The following BRINP3 variants were observed in gnomAD, a reference collection of about 807,000 sequenced individuals.
BRINP3 encodes BMP/retinoic acid-inducible neural-specific protein 3.
In BRINP3, 19 loss-of-function variants were observed where a neutral mutation model predicts 71.0. The observed-to-expected ratio is 0.27, with a 90% CI of 0.19 to 0.39. The LOEUF is 0.39. Among genes scored for constraint, BRINP3 ranks in the 10% least tolerant of loss-of-function variants. The pLI, the probability that BRINP3 is intolerant of heterozygous loss-of-function variation, is 1.00. For missense variants in BRINP3, 959 were observed against 940.8 expected, an observed-to-expected ratio of 1.02 and a Z score of -0.25; for synonymous variants, 380 against 337.7, an observed-to-expected ratio of 1.13 and a Z score of -1.37.
chr1:190,365,822 A>G (rs1669460683), intron 2 of BRINP3, among the ~76,000 whole-genome samples: 1 of 145,922 alleles, frequency 6.9e-6, no homozygotes, highest in Non-Finnish European at 1.5e-5. Context: ...ATATATATAT[A>G]TATATATATA....
intron 1 of BRINP3, among the ~76,000 whole-genome samples, chr1:190,474,223 A>T (rs554232878): frequency 6.6e-6 from 1 of 152,344 alleles, no homozygotes; most frequent in Non-Finnish European, 1.5e-5. Flanking sequence ...CTAAGCAGTT[A>T]AATTAATGCA....
chr1:190,386,468 C>T (rs943347254), intron 2 of BRINP3, among the ~76,000 whole-genome samples: 6 of 151,518 alleles, frequency 4.0e-5, no homozygotes, highest in Non-Finnish European at 8.8e-5. Flanking sequence ...AATGTCTAAA[C>T]AAATAAGTAT....
At chr1:190,201,625 T>C (rs961873590) in intron 6 of BRINP3, among the ~76,000 whole-genome samples, 2 of 152,220 alleles carry the variant, frequency 1.3e-5, no homozygotes, top group Admixed American at 6.5e-5. Flanking sequence ...TGTGGTTCCA[T>C]GGGCTGGGCC....
chr1:190,356,412 T>G (rs994548164), intron 2 of BRINP3, among the ~76,000 whole-genome samples: 3 of 152,024 alleles, frequency 2.0e-5, no homozygotes, highest in African/African-American at 2.4e-5. Flanking sequence ...CCATTCAGGC[T>G]CTGTGAGAAG....
Position 190,281,466 on chromosome 1 carries a change from A to G in BRINP3, c.427+94T>C, listed in dbSNP as rs183151331. On this transcript the variant is annotated intron_variant, in intron 3 of 7. Coordinates refer to ENST00000367462, the MANE Select transcript of BRINP3 (RefSeq NM_199051.3). ...ATGAATGAGTTCTATAACTATTCAT[A>G]CTGTAGCTATCTTGATTAATTAACA... 6.2e-5 allele frequency: 71 copies of G among 1,152,958 alleles called. No individual in the cohort carries two copies. In the Admixed American group the frequency reaches 1.3e-3, roughly 20 times the overall value. The allele number at this position is 1,152,958 out of a possible 1,614,324, so 71.4% of individuals were successfully genotyped here.
At chr1:190,169,005 G>C (rs531080551) in intron 6 of BRINP3, among the ~76,000 whole-genome samples, 39 of 152,134 alleles carry the variant, frequency 2.6e-4, no homozygotes, top group Non-Finnish European at 4.7e-4. Context: ...CTCAGCATCT[G>C]TGCTACAATT....
chr1:190,132,573 G>A (rs530086162), intron 7 of BRINP3, among the ~76,000 whole-genome samples: 6 of 152,088 alleles, frequency 3.9e-5, no homozygotes, highest in African/African-American at 1.4e-4. Flanking sequence ...AAAATGTTTA[G>A]CACAAGGTTG....
At chr1:190,476,251 T>TAAAAA (rs58413136) in intron 1 of BRINP3, among the ~76,000 whole-genome samples, 1 of 142,236 alleles carries the variant, frequency 7.0e-6, no homozygotes, top group Non-Finnish European at 1.5e-5. Context: ...TCCCAGAAAT[T>TAAAAA]AAAAAAAAAA....
At chr1:190,406,960 G>C (rs969412333) in intron 2 of BRINP3, among the ~76,000 whole-genome samples, 3 of 151,976 alleles carry the variant, frequency 2.0e-5, no homozygotes, top group Admixed American at 6.6e-5. Flanking sequence ...CTGATCTTAC[G>C]ATATTTCTGT....
At chr1:190,224,361 C>A (rs563937277) in intron 6 of BRINP3, among the ~76,000 whole-genome samples, 2 of 151,706 alleles carry the variant, frequency 1.3e-5, no homozygotes, top group South Asian at 4.2e-4. Context: ...TCAACTTTGA[C>A]AAAGACTACA....
intron 2 of BRINP3, among the ~76,000 whole-genome samples, chr1:190,444,438 A>C (rs1675065375): frequency 6.6e-6 from 1 of 151,776 alleles, no homozygotes; most frequent in Admixed American, 6.6e-5. Flanking sequence ...ATCAGTTATT[A>C]GCTTTTACAT....
In BRINP3 at chr1:190,392,870, C is replaced by T. The variant is rs905784606; in HGVS notation, c.236+61785G>A. 2.2e-4 allele frequency among the ~76,000 whole-genome samples: 34 copies of T among 151,496 alleles called. 2 individuals are homozygous for T. The highest frequency in any genetic ancestry group is 5.9e-5 in the Non-Finnish European group (4 of 67,668). ...CTTTTTTACATAGTCTTTTAAAATGCTATTAGTAAAATGAAATACTTGTTT... is the reference window on the plus strand; with the variant it reads ...CTTTTTTACATAGTCTTTTAAAATGTTATTAGTAAAATGAAATACTTGTTT... On this transcript the variant is annotated intron_variant, in intron 2 of 7. Coordinates refer to ENST00000367462, the MANE Select transcript of BRINP3 (RefSeq NM_199051.3).
At chr1:190,161,088 C>G (rs1308328809) in intron 6 of BRINP3, among the ~76,000 whole-genome samples, 198 bp from the exon 7 acceptor site, 1 of 152,050 alleles carries the variant, frequency 6.6e-6, no homozygotes, top group African/African-American at 2.4e-5. Context: ...ATCTTCTTTG[C>G]TGTTCCCTTT....
intron 2 of BRINP3, among the ~76,000 whole-genome samples, chr1:190,368,595 G>A (rs1669658669): frequency 6.6e-6 from 1 of 152,100 alleles, no homozygotes; most frequent in Non-Finnish European, 1.5e-5. Context: ...GATTAAACAA[G>A]TTTTATTTTG....
intron 6 of BRINP3, among the ~76,000 whole-genome samples, chr1:190,168,475 T>G (rs568863519): frequency 4.6e-5 from 7 of 152,296 alleles, no homozygotes; most frequent in Non-Finnish European, 8.8e-5. Context: ...ATAAATTCAA[T>G]TTCTCCTATA....
At chr1:190,453,201 G>GTTTTTTTTTTTTTTTTTTTTTTTTTTT (rs745819844) in intron 2 of BRINP3, among the ~76,000 whole-genome samples, 2 of 37,852 alleles carry the variant, frequency 5.3e-5, no homozygotes. Context: ...AAAAACTTTA[G>GTTTTTTTTTTTTTTTTTTTTTTTTTTT]TATTTTTTTT....
chr1:190,152,491 AAT>A lies in BRINP3; in HGVS notation c.1184+8175_1184+8176del, dbSNP rs141753835. 4.7e-3 allele frequency among the ~76,000 whole-genome samples: 666 copies of A among 141,110 alleles called. 2 individuals are homozygous for A. Among genetic ancestry groups the A allele is most frequent in the Middle Eastern group, 0.015 (4 of 262 alleles). The allele number at this position is 141,110 out of a possible 152,430, so 92.6% of individuals were successfully genotyped here. A position where few individuals can be genotyped will look rare whatever the true frequency, so the allele number is the denominator to read the frequency against. On this transcript the variant is annotated intron_variant, in intron 7 of 7. Coordinates refer to ENST00000367462, the MANE Select transcript of BRINP3 (RefSeq NM_199051.3). ...TTTTGAACTATTACATACATGCACAAATATATATATATATATATATCGCCACA... is the reference window on the plus strand; with the variant it reads ...TTTTGAACTATTACATACATGCACAAATATATATATATATATATCGCCACA...
At chr1:190,322,053 T>C (rs975079164) in intron 2 of BRINP3, among the ~76,000 whole-genome samples, 16 of 152,040 alleles carry the variant, frequency 1.1e-4, no homozygotes, top group East Asian at 5.8e-4. Context: ...TGTGTGCATA[T>C]ATATATGATT....
intron 7 of BRINP3, among the ~76,000 whole-genome samples, chr1:190,152,481 T>A (rs1161259001): frequency 1.3e-5 from 2 of 148,548 alleles, no homozygotes; most frequent in Non-Finnish European, 3.0e-5. Flanking sequence ...AACTATTACA[T>A]ACATGCACAA....
Sources: gnomAD v4.1 joint callset for allele counts (sites outside exome capture counted in the v4.1 genomes callset) on GRCh38, gnomAD v4.1.1 for gene constraint, MANE v1.5 for transcripts, NCBI Gene and HGNC (gene_info 2026-07-23, HGNC 2026-07-21) for gene names.